Variants in STK33 observed in about 807,000 individuals in gnomAD.
STK33 encodes serine/threonine kinase 33.
In STK33, 52 loss-of-function variants were observed where a neutral mutation model predicts 58.0. That is an observed-to-expected ratio of 0.90 (90% CI 0.72 to 1.13). The LOEUF (loss-of-function observed/expected upper bound fraction) is 1.13. Among genes scored for constraint, STK33 ranks in the 50% most tolerant of loss-of-function variants. The pLI is 0.00. For synonymous variants in STK33, 215 were observed against 200.1 expected (o/e 1.07, Z -0.63); for missense variants, 630 against 604.2 (o/e 1.04, Z -0.45).
chr11:8,510,785 T>C (rs1952252500), intron 1 of STK33, among the ~76,000 whole-genome samples: 1 of 152,162 alleles, frequency 6.6e-6, no homozygotes, highest in African/African-American at 2.4e-5. Context: ...TATGTTTTTG[T>C]ATGCTTTGTT....
intron 1 of STK33, among the ~76,000 whole-genome samples, chr11:8,548,292 A>G (rs1451074659): frequency 1.3e-5 from 2 of 152,112 alleles, no homozygotes; most frequent in African/African-American, 4.8e-5. Flanking sequence ...GTATATGGTG[A>G]GAGATAGGGA....
At chr11:8,342,987 C>G in the STK33 span, among the ~76,000 whole-genome samples, 58 of 152,328 alleles carry the variant, frequency 3.8e-4, no homozygotes, top group East Asian at 0.011. Flanking sequence ...GAGGCTCATC[C>G]CCAGGCAGGC....
At chr11:8,506,167 C>CA (rs1473157575) in intron 1 of STK33, among the ~76,000 whole-genome samples, 1 of 152,112 alleles carries the variant, frequency 6.6e-6, no homozygotes, top group Non-Finnish European at 1.5e-5. Context: ...AAAATTCTTC[C>CA]AACTCAACAT....
chr11:8,544,030 C>T (rs1440516253), intron 1 of STK33, among the ~76,000 whole-genome samples: 1 of 151,846 alleles, frequency 6.6e-6, no homozygotes, highest in Non-Finnish European at 1.5e-5. Flanking sequence ...TTTTATTATA[C>T]TTTAAGTTCT....
rs565958878 is a variant in STK33, at chr11:8,458,690, T to G, written c.559-1211A>C. ...CACTTTAGGTATTCCAACAGCCAAG[T>G]CATCTATTGAGTCAAAAAAGATTCA... On this transcript the variant is annotated intron_variant, in intron 8 of 15. Transcript: ENST00000687296. Among the ~76,000 whole-genome samples the G allele has an allele frequency of 3.9e-4, 60 of 152,206 alleles. No individual in the cohort carries two copies. In the South Asian group the frequency reaches 0.012, roughly 31 times the overall value.
At chr11:8,359,250 T>A in the STK33 span, among the ~76,000 whole-genome samples, 1 of 152,230 alleles carries the variant, frequency 6.6e-6, no homozygotes, top group Non-Finnish European at 1.5e-5. Flanking sequence ...GGCAGAAGAC[T>A]GACTGCTAGT....
intron 1 of STK33, among the ~76,000 whole-genome samples, chr11:8,511,311 CCTA>C (rs1371239801): frequency 5.3e-5 from 8 of 152,046 alleles, no homozygotes; most frequent in Admixed American, 5.2e-4. Flanking sequence ...GTATAGCAGT[CCTA>C]CTGATTTGTG....
intron 1 of STK33, among the ~76,000 whole-genome samples, chr11:8,559,912 AC>A (rs1172688556): frequency 6.6e-6 from 1 of 151,984 alleles, no homozygotes; most frequent in Non-Finnish European, 1.5e-5. Flanking sequence ...TCAGTAACTT[AC>A]CCTTTTTCTA....
the STK33 span, among the ~76,000 whole-genome samples, chr11:8,384,622 TAA>T: frequency 1.3e-5 from 2 of 152,188 alleles, no homozygotes; most frequent in South Asian, 2.1e-4. Flanking sequence ...GTGAAAGTAT[TAA>T]AGTGTTTGAT....
the STK33 span, among the ~76,000 whole-genome samples, chr11:8,373,719 T>C: frequency 3.6e-4 from 55 of 152,182 alleles, no homozygotes; most frequent in African/African-American, 1.0e-3. Context: ...ATCCCAGTGA[T>C]TGAGGCCCAG....
intron 12 of STK33, 135 bp downstream of exon 12, chr11:8,440,543 C>T (rs922716960): frequency 4.6e-6 from 3 of 650,102 alleles, no homozygotes; most frequent in Non-Finnish European, 7.2e-6. Flanking sequence ...AATAAGAGAG[C>T]TTTTAGAATG....
intron 1 of STK33, among the ~76,000 whole-genome samples, chr11:8,535,173 G>C (rs1051535006): frequency 6.6e-6 from 1 of 152,126 alleles, no homozygotes; most frequent in Non-Finnish European, 1.5e-5. Flanking sequence ...TTTTTTCTAA[G>C]CCTCAGTATG....
chr11:8,443,034 A>G (rs1356269236), intron 11 of STK33, among the ~76,000 whole-genome samples: 1 of 152,212 alleles, frequency 6.6e-6, no homozygotes, highest in African/African-American at 2.4e-5. Flanking sequence ...TGGGGTAGTG[A>G]TTACACAAGT....
At chr11:8,557,043 G>A (rs1956785596) in intron 1 of STK33, among the ~76,000 whole-genome samples, 1 of 151,586 alleles carries the variant, frequency 6.6e-6, no homozygotes, top group South Asian at 2.1e-4. Context: ...TTGAGCCCAG[G>A]GGTTCAAGAC....
chr11:8,463,420 C>T (rs1364823127), intron 7 of STK33, among the ~76,000 whole-genome samples: 1 of 152,164 alleles, frequency 6.6e-6, no homozygotes. Context: ...AGGCAGAGAT[C>T]AGGTGGTGAT....
intron 1 of STK33, among the ~76,000 whole-genome samples, chr11:8,509,015 C>T (rs1256433518): frequency 1.3e-5 from 2 of 149,286 alleles, no homozygotes; most frequent in African/African-American, 4.9e-5. Context: ...ACTCAGGAGG[C>T]TGGGACAGGA....
intron 1 of STK33, among the ~76,000 whole-genome samples, chr11:8,551,640 A>G (rs1384942316): frequency 6.6e-6 from 1 of 152,034 alleles, no homozygotes; most frequent in Non-Finnish European, 1.5e-5. Flanking sequence ...TTACTTCTTC[A>G]TATCGGAACT....
Position 8,436,146 on chromosome 11 carries a change from C to T in STK33, c.948-7G>A. 6.7e-7 allele frequency: 1 copy of T among 1,500,900 alleles called. No individual in the cohort carries two copies. The highest frequency in any genetic ancestry group is 1.3e-5 in the South Asian group (1 of 76,600). 93.0% of individuals were successfully genotyped at this position (1,500,900 alleles called of 1,614,324 possible). Reference sequence around the variant, plus strand: ...GGGTGGTTCTCCACGTAATCTGCAACAAAGGCAATCACTTTGTTTAAATTT... The same window carrying T: ...GGGTGGTTCTCCACGTAATCTGCAATAAAGGCAATCACTTTGTTTAAATTT... On this transcript the variant is annotated splice_polypyrimidine_tract_variant and splice_region_variant and intron_variant, in intron 12 of 15. Coordinates refer to ENST00000687296, the MANE Select transcript of STK33 (RefSeq NM_001352389.2).
chr11:8,581,993 C>T (rs1205291676), intron 1 of STK33, among the ~76,000 whole-genome samples: 1 of 152,176 alleles, frequency 6.6e-6, no homozygotes, highest in Non-Finnish European at 1.5e-5. Flanking sequence ...AGTCTGAAAA[C>T]ACAATTTTCC....
Sources: gnomAD v4.1 joint callset for allele counts (sites outside exome capture counted in the v4.1 genomes callset) on GRCh38, gnomAD v4.1.1 for gene constraint, MANE v1.5 for transcripts, NCBI Gene and HGNC (gene_info 2026-07-23, HGNC 2026-07-21) for gene names.